The following GNA13 variants were observed in gnomAD, a reference collection of about 807,000 sequenced individuals.
GNA13 encodes G protein subunit alpha 13.
Under a neutral mutation model 33.5 loss-of-function variants are expected in GNA13, and 4 were observed. The observed-to-expected ratio is 0.12, with a 90% confidence interval of 0.06 to 0.27. GNA13 has a LOEUF of 0.27. GNA13 is among the 10% of genes least tolerant of loss of function. GNA13 has a pLI of 1.00. For synonymous variants in GNA13, 176 were observed against 183.8 expected (o/e 0.96, Z 0.34); for missense variants, 319 against 487.2 (o/e 0.65, Z 3.25).
At chr17:65,053,265 T>C (rs1907919331) in intron 2 of GNA13, 2 of 475,574 alleles carry the variant, frequency 4.2e-6, no homozygotes, top group Admixed American at 3.8e-5. Flanking sequence ...AATTCATTTA[T>C]GTTTCATATA....
rs1427818827 is a variant in GNA13 at position 65,018,264 on chromosome 17, G to C, written c.550C>G (p.Leu184Val). 4 of 1,526,122 alleles carry C rather than the reference G, an allele frequency of 2.6e-6. No individual in the cohort carries two copies. The highest frequency in any genetic ancestry group is 3.6e-6 in the Non-Finnish European group (4 of 1,099,950). The allele number at this position is 1,526,122 out of a possible 1,614,324, so 94.5% of individuals were successfully genotyped here. ...VKYFLDNLDK[L>V]GEPDYIPSQQ... ...GTTTAAACACTTACTGGTTCTCCAA[G>C]TTTATCCAAGTTATCCAGGAAATAT... Residue 184 changes from leucine to valine, a missense_variant, in exon 3 of 4, where the codon CTT becomes GTT. Leu to Val is a conservative substitution (Grantham distance 32). Coordinates refer to ENST00000439174, the MANE Select transcript of GNA13 (RefSeq NM_006572.6).
Position 65,012,303 on chromosome 17 carries a change from G to C in GNA13, c.*1954C>G. The stretch of plus-strand genomic sequence containing the variant: ...GTTTTGGCCATTCAATTTGCTAAAT[G>C]TATGGGTAAACTCTCCAATGAATAG... On this transcript the variant is annotated 3_prime_UTR_variant, in exon 4 of 4. Coordinates refer to ENST00000439174, the MANE Select transcript of GNA13 (RefSeq NM_006572.6). 2 of 223,622 alleles carry C rather than the reference G, an allele frequency of 8.9e-6. No homozygotes were observed. The highest frequency in any genetic ancestry group is 3.7e-4 in the South Asian group (2 of 5,420). 13.9% of individuals were successfully genotyped at this position (223,622 alleles called of 1,614,324 possible).
chr17:65,046,332 C>G (rs1907662896), intron 2 of GNA13, among the ~76,000 whole-genome samples: 1 of 152,030 alleles, frequency 6.6e-6, no homozygotes, highest in African/African-American at 2.4e-5. Flanking sequence ...ACTCTGTTGG[C>G]CAGGCTGGAG....
chr17:65,027,499 G>A (rs921663170), intron 2 of GNA13, among the ~76,000 whole-genome samples: 3 of 151,830 alleles, frequency 2.0e-5, no homozygotes, highest in Non-Finnish European at 4.4e-5. Context: ...TTCCATAGTG[G>A]TTTTATCAGC....
At chr17:65,031,915 AGAGAGAGTGT>A (rs1386227889) in intron 2 of GNA13, among the ~76,000 whole-genome samples, 9 of 131,440 alleles carry the variant, frequency 6.8e-5, no homozygotes, top group Middle Eastern at 3.9e-3. Context: ...AGAGAGAGAG[AGAGAGAGTGT>A]GTGTGTGTGT....
intron 3 of GNA13, among the ~76,000 whole-genome samples, chr17:65,017,844 G>A (rs1598479625): frequency 6.6e-6 from 1 of 151,842 alleles, no homozygotes; most frequent in Non-Finnish European, 1.5e-5. Flanking sequence ...AGATACTAAA[G>A]TATAACAGAT....
At chr17:65,017,670 G>A (rs1383008771) in intron 3 of GNA13, among the ~76,000 whole-genome samples, 1 of 152,126 alleles carries the variant, frequency 6.6e-6, no homozygotes, top group East Asian at 1.9e-4. Context: ...TTTCAAGGGC[G>A]ACTCCCCCTA....
At chr17:65,056,244 G>GCCCCCCCCCCCCCCCCCCCCCC in intron 1 of GNA13, 67 bp downstream of exon 1, 1 of 1,032,480 alleles carries the variant, frequency 9.7e-7, no homozygotes, top group Non-Finnish European at 1.4e-6. Context: ...GCGGTGCCCC[G>GCCCCCCCCCCCCCCCCCCCCCC]CCCCGCACCC....
At position 65,049,352 on chromosome 17, in the gene GNA13, C is replaced by T. The variant is rs569672081; in HGVS notation, c.510+4150G>A. 2.4e-4 allele frequency among the ~76,000 whole-genome samples: 37 copies of T among 152,252 alleles called. No homozygotes were observed. The South Asian group carries it at 3.9e-3, about 16-fold the overall frequency. ...GCCAGGCTGGTTTCCAACTCCTGAC[C>T]TCAAGTGATCTGCCTGCCTCAGCCT... On this transcript the variant is annotated intron_variant, in intron 2 of 3. Transcript: ENST00000439174.
chr17:65,031,658 CAA>C (rs1227157665), intron 2 of GNA13, among the ~76,000 whole-genome samples: 1 of 152,086 alleles, frequency 6.6e-6, no homozygotes, highest in Admixed American at 6.6e-5. Context: ...AAATCCAGGT[CAA>C]AATGTTTTCT....
At chr17:65,016,480 C>T (rs953784223) in intron 3 of GNA13, among the ~76,000 whole-genome samples, 11 of 152,206 alleles carry the variant, frequency 7.2e-5, no homozygotes, top group African/African-American at 2.7e-4. Flanking sequence ...TGCTCCTCAG[C>T]CTCCCGAATA....
intron 2 of GNA13, among the ~76,000 whole-genome samples, chr17:65,034,385 T>TC (rs1907168570): frequency 1.3e-5 from 2 of 152,038 alleles, no homozygotes; most frequent in Non-Finnish European, 2.9e-5. Flanking sequence ...TAATTTTTTT[T>TC]TTTTTTTGAG....
Position 65,010,780 on chromosome 17 carries a change from G to A in GNA13, c.*3477C>T, listed in dbSNP as rs750435501. On this transcript the variant is annotated 3_prime_UTR_variant, in exon 4 of 4. Transcript: ENST00000439174. ...TTGGGCTTTACAGGCATGATTTCACGGATTCAAACAAGAAATTAACACTGA... is the reference window on the plus strand; with the variant it reads ...TTGGGCTTTACAGGCATGATTTCACAGATTCAAACAAGAAATTAACACTGA... 82 of 210,866 alleles carry A rather than the reference G, an allele frequency of 3.9e-4. No individual in the cohort carries two copies. Among genetic ancestry groups the A allele is most frequent in the Non-Finnish European group, 6.0e-4 (62 of 103,778 alleles). The allele number at this position is 210,866 out of a possible 1,614,324, so 13.1% of individuals were successfully genotyped here. A position where few individuals can be genotyped will look rare whatever the true frequency, so the allele number is the denominator to read the frequency against.
At chr17:65,037,376 C>A (rs775280335) in intron 2 of GNA13, among the ~76,000 whole-genome samples, 4 of 152,138 alleles carry the variant, frequency 2.6e-5, no homozygotes, top group Non-Finnish European at 5.9e-5. Flanking sequence ...CCTCTTAAGC[C>A]CTTCTAGGCT....
intron 3 of GNA13, 127 bp downstream of exon 3, chr17:65,018,126 A>AAAGAGAGAG: frequency 4.4e-6 from 1 of 225,042 alleles, no homozygotes; most frequent in Non-Finnish European, 8.6e-6. Flanking sequence ...AAAAAAAAAA[A>AAAGAGAGAG]AAAAAAAAAA....
chr17:65,056,678 C>G lies in GNA13; in HGVS notation c.-85G>C. 1 of 1,068,276 alleles carries G rather than the reference C, an allele frequency of 9.4e-7. No homozygotes were observed. The highest frequency in any genetic ancestry group is 1.2e-6 in the Non-Finnish European group (1 of 813,702). 66.2% of individuals were successfully genotyped at this position (1,068,276 alleles called of 1,614,324 possible). ...GCGGCGGGCGGCTCCGGCACCGAGGCTCGAGGGCGGGGAGCGCGGCGGCGG... is the reference window on the plus strand; with the variant it reads ...GCGGCGGGCGGCTCCGGCACCGAGGGTCGAGGGCGGGGAGCGCGGCGGCGG... On this transcript the variant is annotated 5_prime_UTR_variant, in exon 1 of 4. Transcript: ENST00000439174.
At chr17:65,056,251 A>ACCCCCCCC in intron 1 of GNA13, 60 bp downstream of exon 1, 68 of 740,628 alleles carry the variant, frequency 9.2e-5, no homozygotes, top group Middle Eastern at 4.5e-4. Flanking sequence ...CCCGCCCCGC[A>ACCCCCCCC]CCCGCCGCCG....
At chr17:65,046,034 T>C (rs1306262172) in intron 2 of GNA13, among the ~76,000 whole-genome samples, 1 of 152,186 alleles carries the variant, frequency 6.6e-6, no homozygotes, top group Non-Finnish European at 1.5e-5. Context: ...GTCTGTGAAC[T>C]GAAGCATCTC....
chr17:65,045,042 C>CAAAAAAAAAA (rs1244382117), intron 2 of GNA13, among the ~76,000 whole-genome samples: 1 of 53,262 alleles, frequency 1.9e-5, no homozygotes, highest in Non-Finnish European at 3.8e-5. Context: ...GACTCCATCT[C>CAAAAAAAAAA]AAAAAAAAAA....
Sources: allele counts gnomAD v4.1 joint callset (sites outside exome capture counted in the v4.1 genomes callset), GRCh38; gene constraint gnomAD v4.1.1; transcripts MANE v1.5; gene names NCBI Gene and HGNC (gene_info 2026-07-23, HGNC 2026-07-21).